Variants in ABI3BP observed in about 807,000 individuals in gnomAD.
ABI3BP encodes ABI family member 3 binding protein.
ABI3BP carries 216 observed loss-of-function variants against 268.6 expected under a neutral mutation model. That is an observed-to-expected ratio of 0.80 (90% CI 0.72 to 0.90). The LOEUF (loss-of-function observed/expected upper bound fraction) is 0.90, where lower values mean the gene tolerates loss of function less well. Ranked by LOEUF, ABI3BP falls within the 40% of genes least tolerant of loss-of-function variation. The pLI is 0.00. For missense variants in ABI3BP, 2,090 were observed against 2,182.4 expected (o/e 0.96, Z 0.84); for synonymous variants, 730 against 730.0 (o/e 1.00, Z 0.00).
Position 100,824,749 on chromosome 3 carries a change from C to T in ABI3BP, c.2746+109G>A, listed in dbSNP as rs560069998. Reference sequence around the variant, plus strand: ...TGGTACTGATGATGCCTTATGCCCTCGTGCTTAGGGAGAATAAGACCTGTT... The same window carrying T: ...TGGTACTGATGATGCCTTATGCCCTTGTGCTTAGGGAGAATAAGACCTGTT... On this transcript the variant is annotated intron_variant, in intron 36 of 67. Transcript: ENST00000471714. 4.4e-5 allele frequency: 39 copies of T among 880,296 alleles called. No homozygotes were observed. In the South Asian group the frequency reaches 5.3e-4, roughly 12 times the overall value. 54.5% of individuals were successfully genotyped at this position (880,296 alleles called of 1,614,324 possible).
chr3:100,796,222 C>CT (rs1398668083), intron 52 of ABI3BP, among the ~76,000 whole-genome samples, 187 bp downstream of exon 52: 2 of 152,030 alleles, frequency 1.3e-5, no homozygotes, highest in African/African-American at 4.8e-5. Flanking sequence ...ATACTATTCC[C>CT]TCACTTCACC....
At chr3:100,938,901 T>C (rs2067522440) in intron 1 of ABI3BP, among the ~76,000 whole-genome samples, 1 of 151,968 alleles carries the variant, frequency 6.6e-6, no homozygotes, top group African/African-American at 2.4e-5. Context: ...AGGAATTAAA[T>C]TGCTTTGGTG....
intron 20 of ABI3BP, 23 bp downstream of exon 20, chr3:100,846,349 T>G: frequency 2.0e-6 from 3 of 1,520,894 alleles, no homozygotes; most frequent in Non-Finnish European, 2.7e-6. Flanking sequence ...TTTGGAATAT[T>G]CAAAAAAGTT....
At chr3:100,865,773 T>C (rs751541052) in intron 10 of ABI3BP, among the ~76,000 whole-genome samples, 3 of 152,092 alleles carry the variant, frequency 2.0e-5, no homozygotes, top group Non-Finnish European at 4.4e-5. Context: ...AAAAGTATAA[T>C]TGGGGAAAGT....
At chr3:100,890,391 T>C (rs565194330) in intron 4 of ABI3BP, among the ~76,000 whole-genome samples, 1 of 152,220 alleles carries the variant, frequency 6.6e-6, no homozygotes, top group South Asian at 2.1e-4. Flanking sequence ...CTTCATTCTC[T>C]CTTTGTCCCA....
chr3:100,832,328 T>C lies in ABI3BP; in HGVS notation c.2337A>G (p.Arg779=), dbSNP rs2152817372. The C allele has an allele frequency of 6.5e-7, 1 of 1,535,112 alleles. No individual in the cohort carries two copies. Among genetic ancestry groups the C allele is most frequent in the African/African-American group, 1.4e-5 (1 of 72,664 alleles). ...TSSAPTTTTK[R]TRRPHPKPKT... Reference sequence around the variant, plus strand: ...TAGGTTTGGGATGTGGACGACGGGTTCTTTTTGTTGTTGTTGTTGGAGCTG... The same window carrying C: ...TAGGTTTGGGATGTGGACGACGGGTCCTTTTTGTTGTTGTTGTTGGAGCTG... The change falls in exon 31 of 68, where the codon AGA becomes AGG. Residue 779 remains arginine (R), a synonymous_variant. Transcript: ENST00000471714.
At chr3:100,806,441 G>A (rs943515523) in intron 50 of ABI3BP, among the ~76,000 whole-genome samples, 5 of 152,130 alleles carry the variant, frequency 3.3e-5, no homozygotes, top group Middle Eastern at 3.4e-3. Flanking sequence ...TGATATATAT[G>A]TGTACATATA....
chr3:100,808,722 T>C (rs1339209897), intron 49 of ABI3BP, among the ~76,000 whole-genome samples: 1 of 152,076 alleles, frequency 6.6e-6, no homozygotes, highest in Non-Finnish European at 1.5e-5. Context: ...TTATTGGTTA[T>C]ATAGGGGAAG....
At chr3:100,830,147 ATATATATATATATATAT>A (rs2098465541) in intron 32 of ABI3BP, among the ~76,000 whole-genome samples, 4 of 62,418 alleles carry the variant, frequency 6.4e-5, no homozygotes, top group Non-Finnish European at 1.6e-4. Flanking sequence ...ATATATATAT[ATATATATATATATATAT>A]AAAATGCAGA....
chr3:100,778,928 G>A (rs561700152), intron 58 of ABI3BP, among the ~76,000 whole-genome samples: 2 of 152,186 alleles, frequency 1.3e-5, no homozygotes, highest in South Asian at 2.1e-4. Flanking sequence ...CTGTACACAG[G>A]TATATCTACT....
At chr3:100,852,042 C>G in intron 14 of ABI3BP, 102 bp from the exon 15 acceptor site, 2 of 1,066,630 alleles carry the variant, frequency 1.9e-6, no homozygotes, top group South Asian at 1.6e-5. Flanking sequence ...GGTTGAAGGA[C>G]AGTTTTATGT....
rs933967666 is a variant in ABI3BP, at chr3:100,838,261, G to T, written c.2032C>A (p.Leu678Ile). Residue 678 changes from leucine (L) to isoleucine (I), a missense_variant, in exon 26 of 68, where the codon CTT (leucine) becomes ATT (isoleucine). Leu to Ile is a conservative substitution (Grantham distance 5). Coordinates refer to ENST00000471714, the MANE Select transcript of ABI3BP (RefSeq NM_001375547.2). ...TCTGCTGTGGTTTGGGGTTTAGGAAGTAATTGTTTTGGTGGTTTTGAACCT... is the reference window on the plus strand; with the variant it reads ...TCTGCTGTGGTTTGGGGTTTAGGAATTAATTGTTTTGGTGGTTTTGAACCT... ...QPGSKPPKQL[L>I]PKPQTTAEPD... The T allele has an allele frequency of 1.7e-4, 263 of 1,536,408 alleles. No homozygotes were observed. Among genetic ancestry groups the T allele is most frequent in the Non-Finnish European group, 2.1e-4 (245 of 1,146,860 alleles).
intron 2 of ABI3BP, among the ~76,000 whole-genome samples, chr3:100,904,794 C>T (rs1027483326): frequency 2.6e-5 from 4 of 152,150 alleles, no homozygotes; most frequent in African/African-American, 7.2e-5. Flanking sequence ...GAAATAGGAA[C>T]ACTTTTACAC....
chr3:100,852,531 T>C (rs1278615955), intron 14 of ABI3BP, among the ~76,000 whole-genome samples: 1 of 152,224 alleles, frequency 6.6e-6, no homozygotes, highest in Non-Finnish European at 1.5e-5. Flanking sequence ...ATTTTTTAGA[T>C]AACCAAGTTG....
At chr3:100,824,794 G>A (rs1036295625) in intron 36 of ABI3BP, 64 bp downstream of exon 36, 108 of 1,373,418 alleles carry the variant, frequency 7.9e-5, no homozygotes, top group Non-Finnish European at 1.0e-4. Flanking sequence ...CATTGACACT[G>A]CTTCAGTCCC....
At chr3:100,952,389 T>A (rs2075372151) in intron 1 of ABI3BP, among the ~76,000 whole-genome samples, 1 of 152,206 alleles carries the variant, frequency 6.6e-6, no homozygotes, top group African/African-American at 2.4e-5. Context: ...TCATGTTGTA[T>A]GCCATAAACA....
chr3:100,825,483 C>A (rs573709103), intron 35 of ABI3BP, among the ~76,000 whole-genome samples: 191 of 151,954 alleles, frequency 1.3e-3, no homozygotes, highest in Middle Eastern at 0.01. Context: ...GTTTTAAACT[C>A]AATGTTAATA....
intron 1 of ABI3BP, among the ~76,000 whole-genome samples, chr3:100,972,637 T>G (rs1044059552): frequency 2.0e-5 from 3 of 152,204 alleles, no homozygotes; most frequent in Non-Finnish European, 4.4e-5. Flanking sequence ...GTACTGAGAT[T>G]GATTCATTTT....
chr3:100,840,337 AT>A (rs540976170), intron 22 of ABI3BP, among the ~76,000 whole-genome samples, 173 bp from the exon 23 acceptor site: 1 of 152,048 alleles, frequency 6.6e-6, no homozygotes, highest in Non-Finnish European at 1.5e-5. Context: ...GTCTTGAATA[AT>A]TTTTTTGTCA....
Sources: allele counts gnomAD v4.1 joint callset (sites outside exome capture counted in the v4.1 genomes callset), GRCh38; gene constraint gnomAD v4.1.1; transcripts MANE v1.5; gene names NCBI Gene and HGNC (gene_info 2026-07-23, HGNC 2026-07-21).